The following CALCOCO1 variants were observed in gnomAD, a reference collection of about 807,000 sequenced individuals.
The protein encoded by CALCOCO1 is calcium binding and coiled-coil domain 1.
In CALCOCO1, 44 loss-of-function variants were observed where a neutral mutation model predicts 86.3. The observed-to-expected ratio is 0.51, with a 90% CI of 0.40 to 0.66. CALCOCO1 has a LOEUF of 0.66. Ranked by LOEUF, CALCOCO1 falls within the 30% of genes least tolerant of loss-of-function variation. The pLI, the probability that CALCOCO1 is intolerant of heterozygous loss-of-function variation, is 0.00. For missense variants in CALCOCO1, 708 were observed against 851.1 expected (o/e 0.83, Z 2.09); for synonymous variants, 297 against 327.6 (o/e 0.91, Z 1.01).
At chr12:53,724,304 G>A in intron 3 of CALCOCO1, 1 of 380,634 alleles carries the variant, frequency 2.6e-6, no homozygotes, top group Admixed American at 3.7e-5. Context: ...AGGCCAAACA[G>A]CTTGTAAGTG....
chr12:53,714,392 C>T (rs986180442), intron 11 of CALCOCO1, 151 bp from the exon 12 acceptor site: 15 of 684,396 alleles, frequency 2.2e-5, no homozygotes, highest in Non-Finnish European at 3.3e-5. Context: ...GACACTCCCC[C>T]CAGCACCCCT....
chr12:53,725,654 G>A (rs1370141656), intron 1 of CALCOCO1: 1 of 155,092 alleles, frequency 6.4e-6, no homozygotes, highest in African/African-American at 2.4e-5. Context: ...ATCCAACTGA[G>A]GTGTGGGGCC....
At chr12:53,724,541 C>T in intron 3 of CALCOCO1, 104 bp downstream of exon 3, 1 of 808,620 alleles carries the variant, frequency 1.2e-6, no homozygotes, top group Admixed American at 2.0e-5. Context: ...GTTTATTTTT[C>T]CTTGTCCTTT....
chr12:53,725,803 G>C (rs1273507771), intron 1 of CALCOCO1: 2 of 152,274 alleles, frequency 1.3e-5, no homozygotes, highest in African/African-American at 4.8e-5. Flanking sequence ...TATGGCTGGG[G>C]GTCGAGGGGA....
chr12:53,724,631 A>T lies in CALCOCO1; in HGVS notation c.259+14T>A. 1 of 1,607,756 alleles carries T rather than the reference A, an allele frequency of 6.2e-7. No individual in the cohort carries two copies. Among genetic ancestry groups the T allele is most frequent in the Admixed American group, 1.7e-5 (1 of 59,880 alleles). ...CTTGGCTCCTCTCTCCCAATTTTCCATCTTCCCTTGTACCTTGGAACTGGA... is the reference window on the plus strand; with the variant it reads ...CTTGGCTCCTCTCTCCCAATTTTCCTTCTTCCCTTGTACCTTGGAACTGGA... On this transcript the variant is annotated intron_variant, in intron 3 of 14. Transcript: ENST00000550804.
At chr12:53,721,415 G>A in intron 6 of CALCOCO1, 52 bp downstream of exon 6, 2 of 1,516,364 alleles carry the variant, frequency 1.3e-6, no homozygotes, top group East Asian at 4.7e-5. Flanking sequence ...GGGCTGGAGT[G>A]CGGGGGTCAT....
At chr12:53,724,328 T>C (rs1945965630) in intron 3 of CALCOCO1, 1 of 391,868 alleles carries the variant, frequency 2.6e-6, no homozygotes, top group South Asian at 2.2e-5. Flanking sequence ...GAGGTGAGAT[T>C]TGAACCCAGG....
chr12:53,722,128 T>C lies in CALCOCO1; in HGVS notation c.506A>G (p.Gln169Arg), dbSNP rs759257142. The C allele has an allele frequency of 1.7e-5, 27 of 1,613,810 alleles. No homozygotes were observed. The highest frequency in any genetic ancestry group is 2.2e-5 in the Non-Finnish European group (26 of 1,180,040). ...ERNDLMQLKLQLEGQVTELRS... is the reference protein window; with the variant it reads ...ERNDLMQLKLRLEGQVTELRS... Reference sequence around the variant, plus strand: ...CAGCTCTGTCACCTGTCCCTCCAGCTGTAGCTTCAGCTGCATCAGGTCATT... The same window carrying C: ...CAGCTCTGTCACCTGTCCCTCCAGCCGTAGCTTCAGCTGCATCAGGTCATT... The change falls in exon 5 of 15, where the codon CAG (glutamine) becomes CGG (arginine). Residue 169 changes from glutamine to arginine, a missense_variant. Physicochemically the swap from Gln to Arg is conservative, Grantham distance 43 (BLOSUM62 1). Coordinates refer to ENST00000550804, the MANE Select transcript of CALCOCO1 (RefSeq NM_020898.3).
At chr12:53,712,159 GCT>G (rs1945579163) in intron 14 of CALCOCO1, 38 bp from the exon 15 acceptor site, 1 of 1,536,750 alleles carries the variant, frequency 6.5e-7, no homozygotes, top group Non-Finnish European at 8.8e-7. Flanking sequence ...GGGTCGGCGT[GCT>G]CTGTTCCCTT....
Position 53,713,174 on chromosome 12 carries a change from T to G in CALCOCO1, c.1824A>C (p.Ala608=), listed in dbSNP as rs766304997. 1.2e-6 allele frequency: 2 copies of G among 1,614,002 alleles called. No individual in the cohort carries two copies. Residue 608 remains alanine, a synonymous_variant, in exon 14 of 15, where the codon GCA becomes GCC. Coordinates refer to ENST00000550804, the MANE Select transcript of CALCOCO1 (RefSeq NM_020898.3). ...EAEDEKSVLM[A]AVQSGGEEAN... is the part of the protein sequence containing the mutation. ...CCTCCTCACCCCCACTCTGCACAGCTGCCATCAGGACTGACTTCTCATCTT... is the reference window on the plus strand; with the variant it reads ...CCTCCTCACCCCCACTCTGCACAGCGGCCATCAGGACTGACTTCTCATCTT...
chr12:53,725,214 G>A lies in CALCOCO1; in HGVS notation c.29C>T (p.Pro10Leu). MEESPLSRA[P>L]SRGGVNFLNV... ...GAGAAAGTTGACTCCACCACGGGAT[G>A]GTGCCCGGCTTAGTGGTGATTCTTC... Residue 10 changes from proline (P) to leucine (L), a missense_variant, in exon 2 of 15, where the codon CCA becomes CTA. Pro to Leu is a moderately conservative substitution (Grantham distance 98). Transcript: ENST00000550804. 12 of 1,608,298 alleles carry A rather than the reference G, an allele frequency of 7.5e-6. No homozygotes were observed. The highest frequency in any genetic ancestry group is 1.0e-5 in the Non-Finnish European group (12 of 1,177,362).
intron 7 of CALCOCO1, among the ~76,000 whole-genome samples, chr12:53,718,300 A>G (rs1945782115): frequency 6.6e-6 from 1 of 152,236 alleles, no homozygotes; most frequent in Non-Finnish European, 1.5e-5. Context: ...CTGGCAGAAC[A>G]GTCTTCGATA....
At position 53,715,808 on chromosome 12, in the gene CALCOCO1, C is replaced by T. The variant is rs1484684719; in HGVS notation, c.1245G>A (p.Leu415=). ...ATCCCTCTACCTCCACACTCTGCAGCAGCCCTGCCCGCTCCTTGCTCCATT... is the reference window on the plus strand; with the variant it reads ...ATCCCTCTACCTCCACACTCTGCAGTAGCCCTGCCCGCTCCTTGCTCCATT... The part of the protein sequence containing the change: ...KCQWSKERAG[L]LQSVEAEKDK... The change falls in exon 9 of 15, where the codon CTG becomes CTA. Residue 415 remains leucine, a synonymous_variant. Transcript: ENST00000550804. 3.7e-6 allele frequency: 6 copies of T among 1,613,402 alleles called. No individual in the cohort carries two copies. The Admixed American group carries it at 1.0e-4, about 27-fold the overall frequency.
chr12:53,721,580 C>T lies in CALCOCO1; in HGVS notation c.645G>A (p.Glu215=), dbSNP rs141123140. Residue 215 remains glutamate (E), a synonymous_variant, in exon 6 of 15, where the codon GAG becomes GAA. Coordinates refer to ENST00000550804, the MANE Select transcript of CALCOCO1 (RefSeq NM_020898.3). Reference sequence around the variant, plus strand: ...CCTGTTGCCGGCTCAGGATGTCCCTCTCTTCTGTGATCTCCCCATGGGACC... The same window carrying T: ...CCTGTTGCCGGCTCAGGATGTCCCTTTCTTCTGTGATCTCCCCATGGGACC... ...ISRSHGEITE[E]RDILSRQQGD... is the part of the protein sequence containing the mutation. 1.9e-6 allele frequency: 3 copies of T among 1,613,686 alleles called. No individual in the cohort carries two copies. The highest frequency in any genetic ancestry group is 2.5e-6 in the Non-Finnish European group (3 of 1,179,900).
intron 14 of CALCOCO1, chr12:53,712,686 A>T (rs1435988509): frequency 1.5e-6 from 1 of 680,098 alleles, no homozygotes; most frequent in Admixed American, 3.6e-5. Flanking sequence ...TTGTAGCCAG[A>T]TGGATGCTGG....
At chr12:53,724,884 G>A (rs1006778852) in intron 2 of CALCOCO1, 137 bp from the exon 3 acceptor site, 7 of 829,610 alleles carry the variant, frequency 8.4e-6, no homozygotes, top group African/African-American at 1.7e-5. Context: ...GGAAAGTGGA[G>A]GGACACTAAT....
At chr12:53,716,437 T>C (rs1485595115) in intron 7 of CALCOCO1, 22 bp from the exon 8 acceptor site, 1 of 1,613,902 alleles carries the variant, frequency 6.2e-7, no homozygotes, top group South Asian at 1.1e-5. Context: ...GGAAAGCAGG[T>C]AAGGAAAGGG....
At position 53,714,137 on chromosome 12, in the gene CALCOCO1, C is replaced by A. The variant is rs758982646; in HGVS notation, c.1587G>T (p.Gly529=). Residue 529 remains glycine (G), a synonymous_variant, in exon 12 of 15, where the codon GGG becomes GGT. Coordinates refer to ENST00000550804, the MANE Select transcript of CALCOCO1 (RefSeq NM_020898.3). ...ATTEDEEAAV[G]LSCPAALTDS... ...CAAGATTGGGGCTACACGGACTCAG[C>A]CCCACAGCGGCCTCCTCATCCTCTG... is the stretch of plus-strand genomic sequence containing the variant. 1 of 1,609,684 alleles carries A rather than the reference C, an allele frequency of 6.2e-7. No homozygotes were observed. The highest frequency in any genetic ancestry group is 1.1e-5 in the South Asian group (1 of 91,006).
At position 53,724,757 on chromosome 12, in the gene CALCOCO1, C is replaced by A; in HGVS notation, c.157-10G>T. The A allele has an allele frequency of 6.2e-7, 1 of 1,605,686 alleles. No individual in the cohort carries two copies. Reference sequence around the variant, plus strand: ...CACAGGCAGCCTCCACCTGTGAAAGCCCAAGGTTGGAGAAAGGTATGGTCA... The same window carrying A: ...CACAGGCAGCCTCCACCTGTGAAAGACCAAGGTTGGAGAAAGGTATGGTCA... On this transcript the variant is annotated splice_polypyrimidine_tract_variant and intron_variant, in intron 2 of 14. Transcript: ENST00000550804.
Sources: allele counts gnomAD v4.1 joint callset (sites outside exome capture counted in the v4.1 genomes callset), GRCh38; gene constraint gnomAD v4.1.1; transcripts MANE v1.5; gene names NCBI Gene and HGNC (gene_info 2026-07-23, HGNC 2026-07-21).